The following ATAD3B variants were observed in gnomAD, a reference collection of about 807,000 sequenced individuals.
The protein encoded by ATAD3B is ATPase family AAA domain containing 3B.
ATAD3B carries 59 observed loss-of-function variants against 70.2 expected under a neutral mutation model. The observed-to-expected ratio is 0.84, with a 90% confidence interval of 0.68 to 1.04. The LOEUF (loss-of-function observed/expected upper bound fraction) is 1.04. ATAD3B is among the 50% of genes least tolerant of loss of function. ATAD3B has a pLI of 0.00. For missense variants in ATAD3B, 961 were observed against 913.4 expected, an observed-to-expected ratio of 1.05 and a Z score of -0.67; for synonymous variants, 423 against 388.6, an observed-to-expected ratio of 1.09 and a Z score of -1.04.
Position 1,488,834 on chromosome 1 carries a change from C to CT in ATAD3B, c.1267-361dup, listed in dbSNP as rs548421990. On this transcript the variant is annotated intron_variant, in intron 12 of 15. Coordinates refer to ENST00000673477, the MANE Select transcript of ATAD3B (RefSeq NM_031921.6). ...TTAAAGATGTGAGCCCTCAGTCAGG[C>CT]TTTTTTTTTAAATGTATTTTTTATT... 1.3e-4 allele frequency among the ~76,000 whole-genome samples: 20 copies of CT among 150,950 alleles called. 1 individual carries two copies. Among genetic ancestry groups the CT allele is most frequent in the African/African-American group, 4.1e-4 (17 of 41,194 alleles).
At chr1:1,502,139 A>C (rs1190502347), downstream of ATAD3B, among the ~76,000 whole-genome samples, 1 of 152,000 alleles carries the variant, frequency 6.6e-6, no homozygotes, top group African/African-American at 2.4e-5. Flanking sequence ...TCGGTCTCCC[A>C]AAGTGCTGGG....
rs764412648 is a variant in ATAD3B, at chr1:1,495,610, G to A, written c.1740G>A (p.Gly580=). ...TGAAGGCGGAGGGGCCTGGGCGCGG[G>A]GTCGAGCACCCCCTATCCGGAGTCC... ...RWLKAEGPGR[G]VEHPLSGVQG... The change falls in exon 16 of 16, where the codon GGG becomes GGA. Residue 580 remains glycine, a synonymous_variant. Coordinates refer to ENST00000673477, the MANE Select transcript of ATAD3B (RefSeq NM_031921.6). 1 of 1,613,044 alleles carries A rather than the reference G, an allele frequency of 6.2e-7. No individual in the cohort carries two copies. Among genetic ancestry groups the A allele is most frequent in the Non-Finnish European group, 8.5e-7 (1 of 1,179,464 alleles).
chr1:1,477,540 C>T (rs1639655058), intron 2 of ATAD3B, among the ~76,000 whole-genome samples, 190 bp downstream of exon 2: 1 of 151,718 alleles, frequency 6.6e-6, no homozygotes, highest in Admixed American at 6.6e-5. Context: ...CGCAGAGCCG[C>T]CCGAGAGGGA....
rs567820612 is a variant in ATAD3B at position 1,484,879 on chromosome 1, G to C, written c.751-137G>C. ...CTGTGGGATTCGGGGCTGGGAATTC[G>C]GGTTCCTGTGGGGCCAGCACACGGC... On this transcript the variant is annotated intron_variant, in intron 7 of 15. Transcript: ENST00000673477. 3.9e-5 allele frequency: 56 copies of C among 1,427,404 alleles called. No homozygotes were observed. The South Asian group carries it at 7.7e-4, about 20-fold the overall frequency. 88.4% of individuals were successfully genotyped at this position (1,427,404 alleles called of 1,614,324 possible).
At chr1:1,503,684 G>A in the ATAD3B span, 1 of 1,610,274 alleles carries the variant, frequency 6.2e-7, no homozygotes, top group East Asian at 2.2e-5. Flanking sequence ...GGTGTGGGTG[G>A]GGAGGCCGGG....
chr1:1,504,865 T>G, the ATAD3B span, among the ~76,000 whole-genome samples: 1 of 152,128 alleles, frequency 6.6e-6, no homozygotes, highest in Non-Finnish European at 1.5e-5. Flanking sequence ...ATGCTCATCC[T>G]GCACTGCTCA....
chr1:1,503,306 C>T, the ATAD3B span: 18 of 407,484 alleles, frequency 4.4e-5, no homozygotes, highest in African/African-American at 3.0e-4. Context: ...TTGAATTGGG[C>T]AAGAGCCTCC....
chr1:1,489,639 TC>T, intron 13 of ATAD3B: 1 of 1,342,992 alleles, frequency 7.4e-7, no homozygotes, highest in Non-Finnish European at 9.9e-7. Context: ...GGCTCCCTCT[TC>T]CCTCCCAAAT....
rs759445836 is a variant in ATAD3B, at chr1:1,478,576, C to A, written c.283-68C>A. On this transcript the variant is annotated intron_variant, in intron 2 of 15. Coordinates refer to ENST00000673477, the MANE Select transcript of ATAD3B (RefSeq NM_031921.6). ...CTCTGCCGTGCCGGAGCTGTGCAGA[C>A]ACAGGAGCGGCTGTCAGGCAGTGCC... The A allele has an allele frequency of 6.3e-5, 98 of 1,550,284 alleles. 2 individuals are homozygous for A. Among genetic ancestry groups the A allele is most frequent in the Non-Finnish European group, 7.9e-5 (91 of 1,146,330 alleles).
chr1:1,490,653 G>C lies in ATAD3B; in HGVS notation c.1596G>C (p.Gln532His). The change falls in exon 15 of 16, where the codon CAG (glutamine) becomes CAC (histidine). Residue 532 changes from glutamine to histidine, a missense_variant. Physicochemically the swap from Gln to His is conservative, Grantham distance 24. This residue lies in a region of ATAD3B where 417 missense variants were observed against 335.0 expected (regional missense o/e 1.24). Transcript: ENST00000673477. ...GCATGTCGGGCCGGGAGATCGCTCA[G>C]CTGGCCGTGTCCTGGCAGGTGAGTC... The part of the protein sequence containing the change: ...TEGMSGREIA[Q>H]LAVSWQATAY... The C allele has an allele frequency of 6.3e-7, 1 of 1,596,780 alleles. No individual in the cohort carries two copies. The highest frequency in any genetic ancestry group is 8.5e-7 in the Non-Finnish European group (1 of 1,172,990).
At chr1:1,509,000 C>G in the ATAD3B span, among the ~76,000 whole-genome samples, 1 of 151,748 alleles carries the variant, frequency 6.6e-6, no homozygotes, top group Non-Finnish European at 1.5e-5. Context: ...GTGCTGAGGA[C>G]GCAGGCAGGG....
At chr1:1,505,310 A>G in the ATAD3B span, among the ~76,000 whole-genome samples, 1 of 152,180 alleles carries the variant, frequency 6.6e-6, no homozygotes, top group African/African-American at 2.4e-5. Flanking sequence ...TCTGCTTATC[A>G]GAGACTTTTA....
downstream of ATAD3B, among the ~76,000 whole-genome samples, chr1:1,500,769 G>C (rs9439436): frequency 0.034 from 5,089 of 150,348 alleles, 290 homozygotes; most frequent in African/African-American, 0.11. Flanking sequence ...CTGGCTAACA[G>C]GGTGAAACCC....
At chr1:1,484,832 C>A in intron 7 of ATAD3B, 184 bp from the exon 8 acceptor site, 1 of 1,393,236 alleles carries the variant, frequency 7.2e-7, no homozygotes, top group Non-Finnish European at 9.5e-7. Context: ...GACTGCCCCA[C>A]CTGCCTCCTG....
intron 8 of ATAD3B, 133 bp from the exon 9 acceptor site, chr1:1,485,649 C>T: frequency 7.0e-7 from 1 of 1,427,702 alleles, no homozygotes; most frequent in Non-Finnish European, 9.6e-7. Context: ...GGCAGGGTTC[C>T]AGCTCCGGGC....
In ATAD3B at chr1:1,483,102, G is replaced by C. The variant is rs1191506289; in HGVS notation, c.750+488G>C. 6 of 451,408 alleles carry C rather than the reference G, an allele frequency of 1.3e-5. No individual in the cohort carries two copies. The East Asian group carries it at 4.2e-4, about 32-fold the overall frequency. 28.0% of individuals were successfully genotyped at this position (451,408 alleles called of 1,614,324 possible). On this transcript the variant is annotated intron_variant, in intron 7 of 15. Coordinates refer to ENST00000673477, the MANE Select transcript of ATAD3B (RefSeq NM_031921.6). Reference sequence around the variant, plus strand: ...GAGGTCCGGAGATCGAGATCATCCTGGTAAGAGTGAAACCCTGTCTCTACT... The same window carrying C: ...GAGGTCCGGAGATCGAGATCATCCTCGTAAGAGTGAAACCCTGTCTCTACT...
Position 1,496,900 on chromosome 1 carries a change from A to C in ATAD3B, c.*1083A>C. On this transcript the variant is annotated 3_prime_UTR_variant, in exon 16 of 16. Coordinates refer to ENST00000673477, the MANE Select transcript of ATAD3B (RefSeq NM_031921.6). ...TCCTCCAGGTCCTCGCTGCTGGAGG[A>C]CTCTCAGACAGGAAACCTTTGCTTT... The C allele has an allele frequency of 7.1e-6, 1 of 140,982 alleles. No homozygotes were observed. Among genetic ancestry groups the C allele is most frequent in the Admixed American group, 7.0e-5 (1 of 14,218 alleles). The allele number at this position is 140,982 out of a possible 1,614,324, so 8.7% of individuals were successfully genotyped here. A position where few individuals can be genotyped will look rare whatever the true frequency, so the allele number is the denominator to read the frequency against.
At chr1:1,483,899 C>T (rs1238823711) in intron 7 of ATAD3B, 2 of 152,182 alleles carry the variant, frequency 1.3e-5, no homozygotes, top group East Asian at 3.9e-4. Flanking sequence ...CACCGTCACG[C>T]TGACCAGGCC....
chr1:1,478,359 C>G, intron 2 of ATAD3B: 1 of 1,406,722 alleles, frequency 7.1e-7, no homozygotes, highest in Non-Finnish European at 9.5e-7. Context: ...AAAGTGAGCA[C>G]CTGCCTGGAG....
Sources: gnomAD v4.1 joint callset for allele counts (sites outside exome capture counted in the v4.1 genomes callset) on GRCh38, gnomAD v4.1.1 for gene constraint, gnomAD v4.1.1 regional missense constraint, MANE v1.5 for transcripts, NCBI Gene and HGNC (gene_info 2026-07-23, HGNC 2026-07-21) for gene names.